Variants in CEP85L observed in about 807,000 individuals in gnomAD.
CEP85L encodes centrosomal protein 85L.
In CEP85L, 60 loss-of-function variants were observed where a neutral mutation model predicts 100.3. The ratio of observed to expected loss-of-function variants is 0.60; its 90% confidence interval spans 0.49 to 0.74. The LOEUF is 0.74. Among genes scored for constraint, CEP85L ranks in the 30% least tolerant of loss-of-function variants. The pLI is 0.00. For missense variants in CEP85L, 973 were observed against 936.2 expected (o/e 1.04, Z -0.51); for synonymous variants, 319 against 322.7 (o/e 0.99, Z 0.12).
At chr6:118,622,322 T>C (rs1462192843) in intron 2 of CEP85L, among the ~76,000 whole-genome samples, 1 of 152,224 alleles carries the variant, frequency 6.6e-6, no homozygotes, top group Non-Finnish European at 1.5e-5. Flanking sequence ...GTTTCAAATA[T>C]GCACATGTGC....
chr6:118,674,388 G>A (rs1443013548), intron 1 of CEP85L, among the ~76,000 whole-genome samples: 1 of 152,084 alleles, frequency 6.6e-6, no homozygotes, highest in Non-Finnish European at 1.5e-5. Flanking sequence ...GCTGGGCATG[G>A]TGACAGGTGC....
chr6:118,629,293 C>T (rs567491392), intron 2 of CEP85L, among the ~76,000 whole-genome samples: 73 of 152,232 alleles, frequency 4.8e-4, no homozygotes, highest in Non-Finnish European at 3.5e-4. Flanking sequence ...TCGATAAAGG[C>T]CTCTCATCCA....
intron 5 of CEP85L, among the ~76,000 whole-genome samples, chr6:118,500,501 C>G (rs1775220701): frequency 4.4e-5 from 1 of 22,982 alleles, no homozygotes; most frequent in South Asian, 1.1e-3. Flanking sequence ...GTGAACCAAA[C>G]AGGCTGACTG....
chr6:118,545,267 C>T (rs1778129173), intron 3 of CEP85L, among the ~76,000 whole-genome samples: 1 of 152,184 alleles, frequency 6.6e-6, no homozygotes, highest in Non-Finnish European at 1.5e-5. Context: ...TAAAAGATTA[C>T]TACATACATC....
intron 3 of CEP85L, among the ~76,000 whole-genome samples, chr6:118,526,822 T>C (rs1044625070): frequency 3.3e-5 from 5 of 152,190 alleles, no homozygotes; most frequent in Non-Finnish European, 7.3e-5. Flanking sequence ...TAAGTCACCC[T>C]ATATGGTCTG....
intron 2 of CEP85L, among the ~76,000 whole-genome samples, chr6:118,610,223 G>T (rs960435619): frequency 6.6e-6 from 1 of 152,120 alleles, no homozygotes; most frequent in Non-Finnish European, 1.5e-5. Context: ...TTTAAATGCA[G>T]CTCAAGCTCT....
At chr6:118,672,687 G>A (rs1413543265) in intron 1 of CEP85L, among the ~76,000 whole-genome samples, 2 of 152,090 alleles carry the variant, frequency 1.3e-5, no homozygotes, top group African/African-American at 2.4e-5. Context: ...AATCACTTGA[G>A]CCTGGGAAGC....
At chr6:118,539,783 T>C (rs549165727) in intron 3 of CEP85L, among the ~76,000 whole-genome samples, 33 of 152,252 alleles carry the variant, frequency 2.2e-4, no homozygotes, top group African/African-American at 7.7e-4. Flanking sequence ...AAGGGAGCTA[T>C]CTTGAGGGGA....
intron 4 of CEP85L, among the ~76,000 whole-genome samples, chr6:118,521,661 T>A (rs1186532641): frequency 6.6e-6 from 1 of 152,134 alleles, no homozygotes; most frequent in Non-Finnish European, 1.5e-5. Context: ...AGAGACTTCG[T>A]ATGCTTCATT....
At chr6:118,653,006 C>G (rs1002659528), upstream of CEP85L, among the ~76,000 whole-genome samples, 5 of 152,014 alleles carry the variant, frequency 3.3e-5, no homozygotes, top group South Asian at 1.0e-3. Flanking sequence ...GTCTCAGGAA[C>G]AGAATTTTTG....
chr6:118,692,933 A>C (rs1389652502), intron 1 of CEP85L, among the ~76,000 whole-genome samples: 1 of 152,178 alleles, frequency 6.6e-6, no homozygotes, highest in Non-Finnish European at 1.5e-5. Flanking sequence ...AGTAGGCCAA[A>C]ATGTGAGGTT....
intron 1 of CEP85L, among the ~76,000 whole-genome samples, chr6:118,670,766 T>C (rs1032073699): frequency 1.3e-5 from 2 of 152,188 alleles, no homozygotes; most frequent in Middle Eastern, 3.2e-3. Context: ...TGCTGAACTT[T>C]TTTCATATAT....
At chr6:118,512,945 G>C (rs1776053185) in intron 4 of CEP85L, among the ~76,000 whole-genome samples, 1 of 152,112 alleles carries the variant, frequency 6.6e-6, no homozygotes, top group African/African-American at 2.4e-5. Flanking sequence ...AACTGACAGA[G>C]ATGTTAAAAT....
chr6:118,482,068 A>G (rs1773831533), intron 7 of CEP85L, 135 bp from the exon 8 acceptor site: 4 of 489,284 alleles, frequency 8.2e-6, no homozygotes, highest in Non-Finnish European at 1.3e-5. Flanking sequence ...ACTGTATTTT[A>G]TCTAGAGTAT....
rs756130914 is a variant in CEP85L, at chr6:118,566,381, C to T, written c.233-65G>A. On this transcript the variant is annotated intron_variant, in intron 2 of 12. Coordinates refer to ENST00000368491, the MANE Select transcript of CEP85L (RefSeq NM_001042475.3). ...AGACAAAAGAGAATGAGGTAAAATG[C>T]AATATGCCAAAAGAAATATCTGAAC... The T allele has an allele frequency of 9.4e-6, 12 of 1,276,634 alleles. No individual in the cohort carries two copies. In the African/African-American group the frequency reaches 1.4e-4, roughly 14 times the overall value. The allele number at this position is 1,276,634 out of a possible 1,614,324, so 79.1% of individuals were successfully genotyped here.
At chr6:118,621,518 T>C (rs1773443315) in intron 2 of CEP85L, among the ~76,000 whole-genome samples, 1 of 152,166 alleles carries the variant, frequency 6.6e-6, no homozygotes, top group Admixed American at 6.5e-5. Flanking sequence ...GCCCAAGACC[T>C]AGGCCAATTC....
intron 2 of CEP85L, among the ~76,000 whole-genome samples, chr6:118,579,467 A>C (rs983877459): frequency 1.3e-5 from 2 of 152,122 alleles, no homozygotes; most frequent in African/African-American, 4.8e-5. Context: ...TTTTCTGGAC[A>C]TCTCACACTA....
At chr6:118,543,350 T>C (rs1778018531) in intron 3 of CEP85L, among the ~76,000 whole-genome samples, 1 of 152,184 alleles carries the variant, frequency 6.6e-6, no homozygotes, top group African/African-American at 2.4e-5. Context: ...AAGAGTTCAC[T>C]TGTAATAGAA....
chr6:118,638,527 T>G (rs1774661283), intron 1 of CEP85L, among the ~76,000 whole-genome samples: 1 of 149,776 alleles, frequency 6.7e-6, no homozygotes, highest in African/African-American at 2.5e-5. Flanking sequence ...ACAGAATAGT[T>G]ACAAGACTAT....
Sources: allele counts gnomAD v4.1 joint callset (sites outside exome capture counted in the v4.1 genomes callset), GRCh38; gene constraint gnomAD v4.1.1; transcripts MANE v1.5; gene names NCBI Gene and HGNC (gene_info 2026-07-23, HGNC 2026-07-21).